The following MYO3B variants were observed in gnomAD, a reference collection of about 807,000 sequenced individuals.
The protein encoded by MYO3B is myosin-IIIb.
MYO3B carries 156 observed loss-of-function variants against 174.6 expected under a neutral mutation model. The observed-to-expected ratio is 0.89, with a 90% CI of 0.78 to 1.02. The LOEUF (loss-of-function observed/expected upper bound fraction) is 1.02. MYO3B is among the 50% of genes least tolerant of loss of function. The pLI, the probability that MYO3B is intolerant of heterozygous loss-of-function variation, is 0.00. For synonymous variants in MYO3B, 563 were observed against 569.1 expected (o/e 0.99, Z 0.15); for missense variants, 1,632 against 1,639.4 (o/e 1.00, Z 0.08).
intron 32 of MYO3B, among the ~76,000 whole-genome samples, chr2:170,594,819 C>T (rs1302391405): frequency 1.5e-5 from 2 of 135,954 alleles, no homozygotes; most frequent in African/African-American, 6.0e-5. Context: ...CACTCTTTCC[C>T]AGCGCGCGCA....
At chr2:170,537,222 A>C (rs1203629556) in intron 30 of MYO3B, among the ~76,000 whole-genome samples, 8 of 145,406 alleles carry the variant, frequency 5.5e-5, no homozygotes, top group African/African-American at 1.5e-4. Flanking sequence ...AAAACAAAAA[A>C]CAAAAAGTAT....
At chr2:170,193,463 A>G (rs2092564139) in intron 1 of MYO3B, among the ~76,000 whole-genome samples, 1 of 152,060 alleles carries the variant, frequency 6.6e-6, no homozygotes. Flanking sequence ...AGATGTGGAT[A>G]TCTATAGATC....
chr2:170,272,403 C>A (rs932895596), intron 7 of MYO3B, among the ~76,000 whole-genome samples: 5 of 152,150 alleles, frequency 3.3e-5, no homozygotes, highest in South Asian at 2.1e-4. Context: ...TCCCTACTTC[C>A]AGAGTTAACC....
chr2:170,547,968 G>A lies in MYO3B; in HGVS notation c.3733+3980G>A, dbSNP rs191777061. ...AAGAATGTGAGGTTTGTAGCCGGGC[G>A]TGGTGGCAGGCGCCTGTAGTCCCAG... On this transcript the variant is annotated intron_variant, in intron 32 of 34. Coordinates refer to ENST00000408978, the MANE Select transcript of MYO3B (RefSeq NM_138995.5). Among the ~76,000 whole-genome samples the A allele has an allele frequency of 1.5e-3, 228 of 151,896 alleles. 3 individuals carry two copies. The highest frequency in any genetic ancestry group is 6.8e-3 in the Middle Eastern group (2 of 294).
chr2:170,481,373 C>T (rs1294928122), intron 25 of MYO3B, among the ~76,000 whole-genome samples: 1 of 152,110 alleles, frequency 6.6e-6, no homozygotes, highest in African/African-American at 2.4e-5. Context: ...TCACTTGAGC[C>T]CAGTCATTCG....
intron 7 of MYO3B, among the ~76,000 whole-genome samples, chr2:170,263,938 C>T (rs757690701): frequency 2.0e-5 from 3 of 152,136 alleles, no homozygotes; most frequent in Non-Finnish European, 2.9e-5. Flanking sequence ...GTGGGGGAAA[C>T]CTTGGACAAT....
chr2:170,482,233 G>A (rs1338063039), intron 25 of MYO3B, among the ~76,000 whole-genome samples: 1 of 151,380 alleles, frequency 6.6e-6, no homozygotes, highest in Non-Finnish European at 1.5e-5. Flanking sequence ...TCTGCTCACT[G>A]CAACCTCTCC....
At chr2:170,604,565 A>G (rs1457117669) in intron 32 of MYO3B, among the ~76,000 whole-genome samples, 1 of 152,238 alleles carries the variant, frequency 6.6e-6, no homozygotes, top group Non-Finnish European at 1.5e-5. Context: ...CAACAGATAC[A>G]GAAGCCAAAT....
At chr2:170,277,973 C>T (rs2093475796) in intron 7 of MYO3B, among the ~76,000 whole-genome samples, 1 of 151,952 alleles carries the variant, frequency 6.6e-6, no homozygotes, top group Non-Finnish European at 1.5e-5. Flanking sequence ...ATGTGTGTGC[C>T]TGGAATAGGT....
intron 7 of MYO3B, among the ~76,000 whole-genome samples, chr2:170,316,942 C>T (rs2093780003): frequency 6.6e-6 from 1 of 152,182 alleles, no homozygotes. Context: ...CAGACACCTG[C>T]ATTGACTCTC....
intron 14 of MYO3B, among the ~76,000 whole-genome samples, chr2:170,388,853 G>A (rs890262334): frequency 4.6e-5 from 7 of 152,336 alleles, no homozygotes; most frequent in South Asian, 2.1e-4. Flanking sequence ...GTTTCCTCAC[G>A]CAGTAGGGAC....
intron 32 of MYO3B, among the ~76,000 whole-genome samples, chr2:170,619,735 T>TTC (rs1406983337): frequency 3.1e-5 from 4 of 127,220 alleles, no homozygotes; most frequent in Admixed American, 9.1e-5. Context: ...TGCTGCCATA[T>TTC]TCTTTTTTTT....
intron 31 of MYO3B, among the ~76,000 whole-genome samples, chr2:170,543,265 G>A (rs1277862341): frequency 1.3e-5 from 2 of 152,140 alleles, no homozygotes; most frequent in African/African-American, 4.8e-5. Context: ...AGATGTTAGA[G>A]CCTCTTTTTG....
intron 32 of MYO3B, among the ~76,000 whole-genome samples, chr2:170,650,220 A>G (rs575720621): frequency 1.3e-5 from 2 of 151,756 alleles, no homozygotes; most frequent in Admixed American, 6.6e-5. Context: ...TTTAGTAGAG[A>G]TGGGGTTTCA....
chr2:170,587,496 C>T lies in MYO3B; in HGVS notation c.3733+43508C>T, dbSNP rs539888299. ...TAGAAAGTCAGTGATGGTTATTGCT[C>T]ACCAGTCAGGTACGTCCTATTCCAC... On this transcript the variant is annotated intron_variant, in intron 32 of 34. Coordinates refer to ENST00000408978, the MANE Select transcript of MYO3B (RefSeq NM_138995.5). Among the ~76,000 whole-genome samples, 6 of 152,340 alleles carry T rather than the reference C, an allele frequency of 3.9e-5. No individual in the cohort carries two copies. The South Asian group carries it at 1.2e-3, about 32-fold the overall frequency.
intron 14 of MYO3B, among the ~76,000 whole-genome samples, chr2:170,390,685 A>G (rs188993924): frequency 7.2e-5 from 11 of 152,322 alleles, no homozygotes; most frequent in Non-Finnish European, 1.3e-4. Context: ...AAGGGTATCT[A>G]CAGAAGAGAC....
At chr2:170,638,657 G>GA (rs1188825163) in intron 32 of MYO3B, among the ~76,000 whole-genome samples, 1 of 152,154 alleles carries the variant, frequency 6.6e-6, no homozygotes, top group Admixed American at 6.5e-5. Flanking sequence ...TCAGGCAACA[G>GA]ATCCCCATCA....
intron 7 of MYO3B, among the ~76,000 whole-genome samples, chr2:170,290,010 T>C (rs1174250044): frequency 6.6e-6 from 1 of 152,158 alleles, no homozygotes; most frequent in Non-Finnish European, 1.5e-5. Flanking sequence ...TTTTCCAAAG[T>C]TCCTCCTGTT....
intron 16 of MYO3B, among the ~76,000 whole-genome samples, chr2:170,397,850 C>T (rs1397951576): frequency 6.6e-6 from 1 of 152,152 alleles, no homozygotes; most frequent in Non-Finnish European, 1.5e-5. Flanking sequence ...ACAATTCCCT[C>T]CTCAGGTTGG....
Sources: gnomAD v4.1 joint callset for allele counts (sites outside exome capture counted in the v4.1 genomes callset) on GRCh38, gnomAD v4.1.1 for gene constraint, MANE v1.5 for transcripts, NCBI Gene and HGNC (gene_info 2026-07-23, HGNC 2026-07-21) for gene names.